TMEM71: variants seen among roughly 807,000 people sequenced by gnomAD.
TMEM71 encodes the protein transmembrane protein 71.
A neutral mutation model predicts 38.0 loss-of-function variants in TMEM71; 44 were observed. The ratio of observed to expected loss-of-function variants is 1.16; its 90% CI spans 0.91 to 1.49. The LOEUF is 1.49. TMEM71 is among the 40% of genes most tolerant of loss of function. The pLI, the probability that TMEM71 is intolerant of heterozygous loss-of-function variation, is 0.00. For missense variants in TMEM71, 367 were observed against 348.6 expected, an observed-to-expected ratio of 1.05 and a Z score of -0.42; for synonymous variants, 133 against 122.5, an observed-to-expected ratio of 1.09 and a Z score of -0.56.
intron 7 of TMEM71, 77 bp from the exon 8 acceptor site, chr8:132,714,292 T>C: frequency 2.7e-6 from 3 of 1,092,170 alleles, no homozygotes; most frequent in South Asian, 1.3e-5. Context: ...AGACTTACTA[T>C]AGAATTATGA....
At chr8:132,760,869 C>A (rs983956671), upstream of TMEM71, among the ~76,000 whole-genome samples, 1 of 152,130 alleles carries the variant, frequency 6.6e-6, no homozygotes, top group Non-Finnish European at 1.5e-5. Flanking sequence ...AAAGACTCAG[C>A]GAACTGACAT....
rs1181508791 is a variant in TMEM71, at chr8:132,722,047, A to G, written c.745T>C (p.Cys249Arg). ...LLAVCLIISA[C>R]ARWFMGEILA... ...AAATAAAACGTGAATTACCTTGCAC[A>G]TGCAGAAATGATTAAGCACACAGCA... Residue 249 changes from cysteine to arginine, a missense_variant, in exon 7 of 10, where the codon TGT becomes CGT. Physicochemically the swap from Cys to Arg is radical, Grantham distance 180 (BLOSUM62 -3). Transcript: ENST00000677595. 6.2e-7 allele frequency: 1 copy of G among 1,613,616 alleles called. No homozygotes were observed. The highest frequency in any genetic ancestry group is 8.5e-7 in the Non-Finnish European group (1 of 1,179,592).
At chr8:132,714,334 A>C in intron 7 of TMEM71, 119 bp from the exon 8 acceptor site, 1 of 771,514 alleles carries the variant, frequency 1.3e-6, no homozygotes, top group South Asian at 1.6e-5. Context: ...TACAGTAATA[A>C]AGACAGTGGT....
At chr8:132,765,943 C>G in the TMEM71 span, among the ~76,000 whole-genome samples, 1 of 152,082 alleles carries the variant, frequency 6.6e-6, no homozygotes, top group Non-Finnish European at 1.5e-5. Flanking sequence ...CACCCGCCAC[C>G]AGCTAATTTT....
intron 4 of TMEM71, among the ~76,000 whole-genome samples, chr8:132,749,676 C>T (rs1586803478): frequency 2.0e-5 from 3 of 152,152 alleles, no homozygotes; most frequent in Non-Finnish European, 4.4e-5. Flanking sequence ...CAAGGTGGGT[C>T]ACCAGTTAAG....
chr8:132,750,256 T>G (rs1828631584), intron 4 of TMEM71, among the ~76,000 whole-genome samples: 1 of 152,164 alleles, frequency 6.6e-6, no homozygotes, highest in Non-Finnish European at 1.5e-5. Flanking sequence ...AAGGTGACCT[T>G]TTCTATTTTG....
intron 3 of TMEM71, among the ~76,000 whole-genome samples, chr8:132,755,015 C>T (rs564203944): frequency 4.6e-5 from 7 of 152,262 alleles, no homozygotes; most frequent in African/African-American, 1.7e-4. Context: ...AGGTAAAAAT[C>T]TAGATCTTTT....
At position 132,731,138 on chromosome 8, in the gene TMEM71, CT is replaced by C. The variant is rs1827431354; in HGVS notation, c.488-3153del. On this transcript the variant is annotated intron_variant, in intron 5 of 9. Transcript: ENST00000677595. Reference sequence around the variant, plus strand: ...ATGTAAAATAGGATAGTAATGTCTACTTTTTTACAGCTGTGATAAGTGAAGG... The same window carrying C: ...ATGTAAAATAGGATAGTAATGTCTACTTTTTACAGCTGTGATAAGTGAAGG... 2.6e-5 allele frequency among the ~76,000 whole-genome samples: 4 copies of C among 152,084 alleles called. No individual in the cohort carries two copies. The South Asian group carries it at 8.3e-4, about 32-fold the overall frequency.
At chr8:132,768,586 G>A in the TMEM71 span, among the ~76,000 whole-genome samples, 1 of 152,094 alleles carries the variant, frequency 6.6e-6, no homozygotes. Context: ...AAAAATAGGA[G>A]AGAAAAGAAG....
chr8:132,748,478 T>C (rs1027687890), intron 4 of TMEM71, among the ~76,000 whole-genome samples: 13 of 152,200 alleles, frequency 8.5e-5, no homozygotes, highest in African/African-American at 1.9e-4. Context: ...TGAATAGTGC[T>C]ACTGTTGAGA....
intron 6 of TMEM71, among the ~76,000 whole-genome samples, chr8:132,722,859 A>G (rs1030862510): frequency 6.6e-6 from 1 of 152,224 alleles, no homozygotes; most frequent in Non-Finnish European, 1.5e-5. Flanking sequence ...TTATAAGCAT[A>G]AGAGTTAATT....
chr8:132,757,825 C>CAAA (rs56859505), intron 2 of TMEM71, among the ~76,000 whole-genome samples: 13 of 107,170 alleles, frequency 1.2e-4, no homozygotes, highest in African/African-American at 4.2e-4. Context: ...GATTCTGTCT[C>CAAA]AAAAAAAAAA....
intron 5 of TMEM71, among the ~76,000 whole-genome samples, chr8:132,734,038 T>C (rs1827607023): frequency 6.6e-6 from 1 of 152,018 alleles, no homozygotes; most frequent in South Asian, 2.1e-4. Context: ...TTGTTCAATG[T>C]GAATATGGTC....
At chr8:132,734,276 T>C (rs960301338) in intron 5 of TMEM71, among the ~76,000 whole-genome samples, 3 of 152,162 alleles carry the variant, frequency 2.0e-5, no homozygotes, top group African/African-American at 7.2e-5. Context: ...GGTGTCTGCA[T>C]ATGTCTAAAG....
At chr8:132,719,830 C>T (rs879367000) in intron 7 of TMEM71, among the ~76,000 whole-genome samples, 1 of 152,098 alleles carries the variant, frequency 6.6e-6, no homozygotes, top group Non-Finnish European at 1.5e-5. Context: ...TGTACCAACA[C>T]TGGTACATTA....
At chr8:132,732,250 G>A (rs1211842622) in intron 5 of TMEM71, among the ~76,000 whole-genome samples, 1 of 152,160 alleles carries the variant, frequency 6.6e-6, no homozygotes, top group Non-Finnish European at 1.5e-5. Flanking sequence ...GGAAATCCAA[G>A]GAGGCTTCAC....
At chr8:132,757,399 T>C (rs1586808441) in intron 2 of TMEM71, 105 bp from the exon 3 acceptor site, 2 of 791,688 alleles carry the variant, frequency 2.5e-6, no homozygotes, top group East Asian at 6.4e-5. Context: ...TGGAGGCATG[T>C]AAGAAGATGG....
At chr8:132,740,841 A>C (rs1418274310) in intron 5 of TMEM71, among the ~76,000 whole-genome samples, 1 of 152,144 alleles carries the variant, frequency 6.6e-6, no homozygotes, top group Non-Finnish European at 1.5e-5. Context: ...AGCATTTTTG[A>C]ACAGGGGGTC....
chr8:132,756,897 T>G (rs998896815), intron 3 of TMEM71, among the ~76,000 whole-genome samples: 6 of 149,218 alleles, frequency 4.0e-5, no homozygotes, highest in Non-Finnish European at 7.5e-5. Context: ...CGAAGAATGA[T>G]TTTTTTTTTA....
Sources: gnomAD v4.1 joint callset for allele counts (sites outside exome capture counted in the v4.1 genomes callset) on GRCh38, gnomAD v4.1.1 for gene constraint, MANE v1.5 for transcripts, NCBI Gene and HGNC (gene_info 2026-07-23, HGNC 2026-07-21) for gene names.